The following ABLIM1 variants were observed in gnomAD, a reference collection of about 807,000 sequenced individuals.
ABLIM1 encodes the protein actin-binding LIM protein 1.
In ABLIM1, 40 loss-of-function variants were observed where a neutral mutation model predicts 107.0. That is an observed-to-expected ratio of 0.37 (90% CI 0.29 to 0.49). ABLIM1 has a LOEUF of 0.49. Ranked by LOEUF, ABLIM1 falls within the 20% of genes least tolerant of loss-of-function variation. ABLIM1 has a pLI of 0.97. For missense variants in ABLIM1, 857 were observed against 1,008.5 expected (o/e 0.85, Z 2.04); for synonymous variants, 357 against 357.3 (o/e 1.00, Z 0.01).
chr10:114,567,566 C>T (rs1389219883), intron 4 of ABLIM1, among the ~76,000 whole-genome samples: 1 of 152,218 alleles, frequency 6.6e-6, no homozygotes, highest in Non-Finnish European at 1.5e-5. Context: ...CCAGTGGGAG[C>T]TCTTCCTAAA....
intron 16 of ABLIM1, 145 bp from the exon 17 acceptor site, chr10:114,444,279 A>T: frequency 1.5e-6 from 1 of 662,854 alleles, no homozygotes; most frequent in South Asian, 2.1e-5. Context: ...AGAGCCTGGT[A>T]GTTCCTGAAG....
At chr10:114,591,833 C>A (rs1485620069) in intron 2 of ABLIM1, among the ~76,000 whole-genome samples, 1 of 152,092 alleles carries the variant, frequency 6.6e-6, no homozygotes, top group Non-Finnish European at 1.5e-5. Context: ...GTTGAACATC[C>A]TTAATTCAAA....
At chr10:114,722,459 G>A (rs1004741259) in intron 1 of ABLIM1, among the ~76,000 whole-genome samples, 5 of 152,160 alleles carry the variant, frequency 3.3e-5, no homozygotes, top group African/African-American at 4.8e-5. Context: ...TTTGAAATGA[G>A]ATTTGGGTGG....
intron 1 of ABLIM1, among the ~76,000 whole-genome samples, chr10:114,615,229 C>T (rs1163182186): frequency 4.6e-5 from 7 of 151,972 alleles, no homozygotes; most frequent in East Asian, 1.9e-4. Context: ...ATGGAAGATG[C>T]GCTCTGGCCC....
chr10:114,526,504 G>A (rs2064769914), intron 6 of ABLIM1: 1 of 337,378 alleles, frequency 3.0e-6, no homozygotes, highest in Non-Finnish European at 4.2e-6. Context: ...TTACATAAAT[G>A]TATGTCAGGG....
At chr10:114,673,927 G>C (rs1336765576) in intron 1 of ABLIM1, among the ~76,000 whole-genome samples, 1 of 152,050 alleles carries the variant, frequency 6.6e-6, no homozygotes, top group Non-Finnish European at 1.5e-5. Flanking sequence ...GCAAAATTCA[G>C]GCAAATGTAA....
the ABLIM1 span, among the ~76,000 whole-genome samples, chr10:114,801,347 C>CT: frequency 1.3e-5 from 2 of 152,178 alleles, no homozygotes; most frequent in Non-Finnish European, 2.9e-5. Context: ...TCCTTGTCAT[C>CT]TTTACATTGA....
intron 8 of ABLIM1, among the ~76,000 whole-genome samples, chr10:114,476,983 G>A (rs1418021331): frequency 6.6e-6 from 1 of 152,188 alleles, no homozygotes; most frequent in South Asian, 2.1e-4. Context: ...TTAATCTCAT[G>A]TAATCTTCTC....
In ABLIM1 at chr10:114,488,756, T is replaced by C. The variant is rs568008785; in HGVS notation, c.983-740A>G. On this transcript the variant is annotated intron_variant, in intron 7 of 22. Coordinates refer to ENST00000533213, the MANE Select transcript of ABLIM1 (RefSeq NM_002313.7). ...AATTAAACAAAACACTTATCTCCAA[T>C]AGAAGCTCTTATAAGAATCCAATGC... 3.3e-5 allele frequency among the ~76,000 whole-genome samples: 5 copies of C among 152,310 alleles called. No individual in the cohort carries two copies. In the East Asian group the frequency reaches 5.8e-4, roughly 18 times the overall value.
chr10:114,455,317 AAT>A (rs1799121612), intron 12 of ABLIM1, among the ~76,000 whole-genome samples: 1 of 152,210 alleles, frequency 6.6e-6, no homozygotes, highest in African/African-American at 2.4e-5. Flanking sequence ...TCCAGACCCA[AAT>A]ATGTTATAAT....
At chr10:114,465,261 C>T (rs1472876991) in intron 12 of ABLIM1, among the ~76,000 whole-genome samples, 6 of 152,048 alleles carry the variant, frequency 3.9e-5, no homozygotes, top group African/African-American at 1.4e-4. Flanking sequence ...AAGTGCTTAA[C>T]CAAGCATGCT....
At chr10:114,597,292 T>C (rs914771902) in intron 2 of ABLIM1, among the ~76,000 whole-genome samples, 4 of 152,060 alleles carry the variant, frequency 2.6e-5, no homozygotes, top group Non-Finnish European at 5.9e-5. Context: ...CTGATCTGAT[T>C]AGGATGGAGA....
chr10:114,488,242 C>A (rs935194426), intron 7 of ABLIM1, among the ~76,000 whole-genome samples: 7 of 151,858 alleles, frequency 4.6e-5, no homozygotes, highest in African/African-American at 1.7e-4. Flanking sequence ...AATTCTAGAC[C>A]ACAGAGACCA....
intron 1 of ABLIM1, among the ~76,000 whole-genome samples, chr10:114,607,951 A>G (rs1370027032): frequency 2.6e-5 from 4 of 152,242 alleles, no homozygotes. Context: ...CAGTAATTAT[A>G]ACAAGTGTGT....
chr10:114,575,324 G>T, intron 3 of ABLIM1, 92 bp downstream of exon 3: 1 of 1,413,914 alleles, frequency 7.1e-7, no homozygotes, highest in Non-Finnish European at 9.7e-7. Flanking sequence ...TGCTACTCAA[G>T]ACAAAAGGTG....
chr10:114,795,187 TG>T, the ABLIM1 span, among the ~76,000 whole-genome samples: 11 of 152,120 alleles, frequency 7.2e-5, no homozygotes, highest in Admixed American at 7.2e-4. Flanking sequence ...CGCATACAAA[TG>T]GTAGCGTCTA....
intron 1 of ABLIM1, among the ~76,000 whole-genome samples, chr10:114,712,062 T>C (rs185548225): frequency 7.0e-4 from 106 of 151,948 alleles, no homozygotes; most frequent in African/African-American, 2.0e-3. Flanking sequence ...CATTACAAAG[T>C]ACATTAATGG....
chr10:114,743,053 T>C (rs2082317259), intron 1 of ABLIM1, among the ~76,000 whole-genome samples: 1 of 152,232 alleles, frequency 6.6e-6, no homozygotes, highest in South Asian at 2.1e-4. Flanking sequence ...TTTGTAATTA[T>C]TACCATTACT....
intron 1 of ABLIM1, among the ~76,000 whole-genome samples, chr10:114,616,645 C>T (rs1455375917): frequency 6.6e-6 from 1 of 152,180 alleles, no homozygotes; most frequent in African/African-American, 2.4e-5. Context: ...GGAGTGGACC[C>T]TCCTGGGTTC....
Sources: allele counts gnomAD v4.1 joint callset (sites outside exome capture counted in the v4.1 genomes callset), GRCh38; gene constraint gnomAD v4.1.1; transcripts MANE v1.5; gene names NCBI Gene and HGNC (gene_info 2026-07-23, HGNC 2026-07-21).